The following GK variants were observed in gnomAD, a reference collection of about 807,000 sequenced individuals.
GK encodes glycerol kinase.
In GK, 9 loss-of-function variants were observed where a neutral mutation model predicts 56.4. The observed-to-expected ratio is 0.16, with a 90% confidence interval of 0.10 to 0.28. The LOEUF is 0.28. Among genes scored for constraint, GK ranks in the 10% least tolerant of loss-of-function variants. GK has a pLI of 1.00. For missense variants in GK, 161 were observed against 431.4 expected, an observed-to-expected ratio of 0.37 and a Z score of 5.55; for synonymous variants, 104 against 144.1, an observed-to-expected ratio of 0.72 and a Z score of 1.99.
chrX:30,676,664 C>G (rs762195951), intron 3 of GK, among the ~76,000 whole-genome samples: 3 of 111,411 alleles, frequency 2.7e-5, no homozygotes, highest in Non-Finnish European at 5.6e-5. Context: ...AAAGTACAAT[C>G]AAGTCTGAAA....
At chrX:30,691,604 C>G (rs1289683629) in intron 5 of GK, among the ~76,000 whole-genome samples, 4 of 107,711 alleles carry the variant, frequency 3.7e-5, no homozygotes, top group African/African-American at 1.4e-4. Context: ...TCCCGAGTAG[C>G]TGGGACTACA....
chrX:30,701,542 G>A (rs1467964747), intron 11 of GK, among the ~76,000 whole-genome samples: 1 of 112,248 alleles, frequency 8.9e-6, no homozygotes, highest in Non-Finnish European at 1.9e-5. Flanking sequence ...GTGGGAAGAA[G>A]TGAGGAAGAG....
intron 4 of GK, among the ~76,000 whole-genome samples, chrX:30,685,930 AG>A (rs1934585148): frequency 8.9e-6 from 1 of 112,142 alleles, no homozygotes; most frequent in African/African-American, 3.2e-5. Flanking sequence ...ACGGACTATA[AG>A]GCTTCAGTAA....
At position 30,719,278 on chromosome X, in the gene GK, G is replaced by A. The variant is rs375861237; in HGVS notation, c.1055-141G>A. Reference sequence around the variant, plus strand: ...TTTCTGTTGATCCTAGCATACTACTGTAGTTAGCAACATTTTGCTCTACCA... The same window carrying A: ...TTTCTGTTGATCCTAGCATACTACTATAGTTAGCAACATTTTGCTCTACCA... On this transcript the variant is annotated intron_variant, in intron 14 of 20. Coordinates refer to ENST00000427190, the MANE Select transcript of GK (RefSeq NM_001205019.2). 84 of 467,011 alleles carry A rather than the reference G, an allele frequency of 1.8e-4. No individual in the cohort carries two copies. In the East Asian group the frequency reaches 2.4e-3, roughly 13 times the overall value. 38.5% of individuals were successfully genotyped at this position (467,011 alleles called of 1,213,427 possible). A position where few individuals can be genotyped will look rare whatever the true frequency, so the allele number is the denominator to read the frequency against.
In GK at chrX:30,677,454, TA is replaced by T; in HGVS notation, c.337+4del. 9.7e-7 allele frequency: 1 copy of T among 1,033,273 alleles called. No individual in the cohort carries two copies. Among genetic ancestry groups the T allele is most frequent in the Non-Finnish European group, 1.4e-6 (1 of 732,375 alleles). 85.2% of individuals were successfully genotyped at this position (1,033,273 alleles called of 1,213,427 possible). A position where few individuals can be genotyped will look rare whatever the true frequency, so the allele number is the denominator to read the frequency against. On this transcript the variant is annotated splice_donor_region_variant and intron_variant, in intron 4 of 20. Coordinates refer to ENST00000427190, the MANE Select transcript of GK (RefSeq NM_001205019.2). ...GAGAGCCTCTCTACAATGCTGTGGG[TA>T]AGCTGTCATGCATGGATGTCAAATG...
At chrX:30,721,111 A>G (rs1286420845) in intron 18 of GK, 116 bp downstream of exon 18, 8 of 713,693 alleles carry the variant, frequency 1.1e-5, no homozygotes, top group Non-Finnish European at 1.7e-5. Flanking sequence ...AGTAAATGTT[A>G]TCATTGCAGA....
chrX:30,699,746 G>A (rs944663171), intron 9 of GK, among the ~76,000 whole-genome samples: 2 of 110,823 alleles, frequency 1.8e-5, no homozygotes, highest in African/African-American at 6.6e-5. Flanking sequence ...TTAAAATTAA[G>A]GTTGTCAAGT....
At chrX:30,672,687 G>T (rs1355976763) in intron 3 of GK, among the ~76,000 whole-genome samples, 1 of 111,433 alleles carries the variant, frequency 9.0e-6, no homozygotes, top group African/African-American at 3.3e-5. Context: ...GGTGGCGCAT[G>T]CCTGTAATCC....
At chrX:30,706,155 C>T (rs757790193) in intron 11 of GK, among the ~76,000 whole-genome samples, 2 of 111,675 alleles carry the variant, frequency 1.8e-5, no homozygotes, top group Admixed American at 9.5e-5. Context: ...GATATTAGTC[C>T]CATGCTCCTT....
chrX:30,679,529 G>A (rs1934164493), intron 4 of GK, among the ~76,000 whole-genome samples: 1 of 111,762 alleles, frequency 8.9e-6, no homozygotes, highest in African/African-American at 3.3e-5. Context: ...TGGAACTTTG[G>A]ACTTTGGATT....
intron 16 of GK, 53 bp downstream of exon 16, chrX:30,720,148 A>T: frequency 1.4e-6 from 1 of 737,115 alleles, no homozygotes; most frequent in Non-Finnish European, 2.2e-6. Context: ...ATCACTCTTA[A>T]GTTATATGTT....
chrX:30,666,021 T>C (rs1283494023), intron 2 of GK, among the ~76,000 whole-genome samples: 1 of 112,020 alleles, frequency 8.9e-6, no homozygotes, highest in Non-Finnish European at 1.9e-5. Flanking sequence ...GTAATTGTGA[T>C]TAAATATGAT....
chrX:30,726,189 C>G (rs747856110), intron 19 of GK, among the ~76,000 whole-genome samples: 14 of 111,526 alleles, frequency 1.3e-4, no homozygotes, highest in East Asian at 5.6e-4. Context: ...CTGCTATCAG[C>G]ATTAATGATA....
intron 11 of GK, among the ~76,000 whole-genome samples, chrX:30,706,819 C>T (rs1390228705): frequency 9.0e-6 from 1 of 111,511 alleles, no homozygotes; most frequent in Non-Finnish European, 1.9e-5. Context: ...TATCCAGCCT[C>T]CCCACCCTGC....
intron 4 of GK, among the ~76,000 whole-genome samples, chrX:30,679,711 T>C (rs1934176683): frequency 8.9e-6 from 1 of 111,989 alleles, no homozygotes. Context: ...GCAGTATTAA[T>C]TCAAATGTTC....
chrX:30,695,431 C>G (rs770426968), intron 6 of GK, among the ~76,000 whole-genome samples: 1 of 112,425 alleles, frequency 8.9e-6, no homozygotes, highest in South Asian at 3.7e-4. Context: ...TTGGCTATAT[C>G]CCACTGGATG....
chrX:30,708,234 G>A, intron 13 of GK, 100 bp downstream of exon 13: 1 of 491,563 alleles, frequency 2.0e-6, no homozygotes, highest in Non-Finnish European at 3.4e-6. Context: ...TTAATACAGA[G>A]GACTCAAAAA....
rs183952030 is a variant in GK at position 30,680,866 on chromosome X, A to G, written c.337+3414A>G. Among the ~76,000 whole-genome samples the G allele has an allele frequency of 2.4e-3, 270 of 111,666 alleles. 1 individual carries two copies. Among genetic ancestry groups the G allele is most frequent in the African/African-American group, 8.5e-3 (260 of 30,752 alleles). On this transcript the variant is annotated intron_variant, in intron 4 of 20. Transcript: ENST00000427190. ...TTGGACTGGGACTGTGAAAGGTCAAATCCTGGAAGTGAGGTAAACTGAAAA... is the reference window on the plus strand; with the variant it reads ...TTGGACTGGGACTGTGAAAGGTCAAGTCCTGGAAGTGAGGTAAACTGAAAA...
intron 13 of GK, among the ~76,000 whole-genome samples, chrX:30,715,327 T>C (rs941298872): frequency 3.6e-5 from 4 of 112,523 alleles, no homozygotes; most frequent in African/African-American, 1.3e-4. Context: ...TCAATCTTCC[T>C]ATAGCCTGTT....
Sources: gnomAD v4.1 joint callset for allele counts (sites outside exome capture counted in the v4.1 genomes callset) on GRCh38, gnomAD v4.1.1 for gene constraint, MANE v1.5 for transcripts, NCBI Gene and HGNC (gene_info 2026-07-23, HGNC 2026-07-21) for gene names.